NOS1AP: variants seen among roughly 807,000 people sequenced by gnomAD.
NOS1AP encodes nitric oxide synthase 1 adaptor protein, also known as carboxyl-terminal PDZ ligand of neuronal nitric oxide synthase protein.
In NOS1AP, 21 loss-of-function variants were observed where a neutral mutation model predicts 56.2. The ratio of observed to expected loss-of-function variants is 0.37; its 90% CI spans 0.26 to 0.54. The LOEUF (loss-of-function observed/expected upper bound fraction) is 0.54, where lower values mean the gene tolerates loss of function less well. NOS1AP is among the 20% of genes least tolerant of loss of function. The probability of loss-of-function intolerance (pLI) is 0.84; values close to 1 mark genes in which losing one functional copy is unlikely to be tolerated. For missense variants in NOS1AP, 522 were observed against 657.8 expected (o/e 0.79, Z 2.26); for synonymous variants, 270 against 274.6 (o/e 0.98, Z 0.17).
chr1:162,347,782 A>G (rs1391999438), intron 6 of NOS1AP, among the ~76,000 whole-genome samples: 1 of 152,136 alleles, frequency 6.6e-6, no homozygotes, highest in African/African-American at 2.4e-5. Flanking sequence ...CACTCCTCCC[A>G]TGTTCCCTGA....
At chr1:162,078,055 C>T (rs954015469) in intron 1 of NOS1AP, among the ~76,000 whole-genome samples, 5 of 152,172 alleles carry the variant, frequency 3.3e-5, no homozygotes, top group African/African-American at 1.2e-4. Flanking sequence ...TTGCAGTCAG[C>T]CAGCCCCTTG....
At chr1:162,090,897 A>G (rs1692113487) in intron 1 of NOS1AP, among the ~76,000 whole-genome samples, 1 of 152,002 alleles carries the variant, frequency 6.6e-6, no homozygotes, top group African/African-American at 2.4e-5. Context: ...TAAGGATGTT[A>G]TTTTGTTCCT....
intron 8 of NOS1AP, chr1:162,360,709 T>C (rs901318828): frequency 8.8e-5 from 38 of 429,634 alleles, no homozygotes; most frequent in African/African-American, 7.5e-4. Flanking sequence ...TTAGCATATG[T>C]CCCTGTGGCT....
intron 3 of NOS1AP, among the ~76,000 whole-genome samples, chr1:162,297,586 G>C (rs2819310): frequency 0.94 from 142,537 of 152,238 alleles, 67,431 homozygotes; most frequent in East Asian, 1. Context: ...TGGCTCTCAG[G>C]CCCAGGGTCA....
intron 2 of NOS1AP, among the ~76,000 whole-genome samples, chr1:162,205,248 A>G (rs1571125705): frequency 2.0e-5 from 3 of 152,252 alleles, no homozygotes; most frequent in African/African-American, 7.2e-5. Flanking sequence ...GAGCCTGAAT[A>G]CATATCACTC....
At chr1:162,284,992 T>A (rs1259895079) in intron 2 of NOS1AP, among the ~76,000 whole-genome samples, 1 of 152,182 alleles carries the variant, frequency 6.6e-6, no homozygotes, top group Non-Finnish European at 1.5e-5. Context: ...AATGATGTAG[T>A]GTTTTGCAGA....
chr1:162,185,844 G>T (rs1226409463), intron 2 of NOS1AP, among the ~76,000 whole-genome samples: 4 of 152,174 alleles, frequency 2.6e-5, no homozygotes, highest in Non-Finnish European at 5.9e-5. Context: ...AGAAAGAAAG[G>T]ATGTATGCAC....
chr1:162,289,463 A>AC (rs1655212476), intron 3 of NOS1AP, among the ~76,000 whole-genome samples: 2 of 84,636 alleles, frequency 2.4e-5, no homozygotes, highest in Non-Finnish European at 4.2e-5. Flanking sequence ...ACGCCCAGCT[A>AC]CTTTTCTTTT....
At chr1:162,155,464 G>T (rs1262907851) in intron 2 of NOS1AP, among the ~76,000 whole-genome samples, 1 of 150,594 alleles carries the variant, frequency 6.6e-6, no homozygotes, top group African/African-American at 2.4e-5. Flanking sequence ...TATAGAGAGA[G>T]AGAGAGAGGT....
At chr1:162,091,455 A>G (rs1692129037) in intron 1 of NOS1AP, among the ~76,000 whole-genome samples, 1 of 152,164 alleles carries the variant, frequency 6.6e-6, no homozygotes, top group South Asian at 2.1e-4. Flanking sequence ...AGTGTCATCC[A>G]TGAGTTTTTA....
At chr1:162,138,907 G>C (rs1238366664) in intron 1 of NOS1AP, among the ~76,000 whole-genome samples, 1 of 152,134 alleles carries the variant, frequency 6.6e-6, no homozygotes, top group African/African-American at 2.4e-5. Context: ...CTGGGATGTG[G>C]GACTTTCACT....
rs749324743 is a variant in NOS1AP, at chr1:162,367,225, A to C, written c.1279A>C (p.Lys427Gln). Reference sequence around the variant, plus strand: ...CTTAGGTAGGCGCGACTGCTTGGTGAAGCTGGAGTGCTTTCGCTTTCTTCC... The same window carrying C: ...CTTAGGTAGGCGCGACTGCTTGGTGCAGCTGGAGTGCTTTCGCTTTCTTCC... ...SPLGRRDCLV[K>Q]LECFRFLPPE... Residue 427 changes from lysine to glutamine, a missense_variant, in exon 10 of 10, where the codon AAG (lysine) becomes CAG (glutamine). Transcript: ENST00000361897. The surrounding 1 kb of genome is among the most constrained non-coding windows in gnomAD (Gnocchi z 6.5). 6.2e-7 allele frequency: 1 copy of C among 1,613,942 alleles called. No homozygotes were observed. The highest frequency in any genetic ancestry group is 8.5e-7 in the Non-Finnish European group (1 of 1,179,970).
At chr1:162,099,783 T>G (rs1692337513) in intron 1 of NOS1AP, among the ~76,000 whole-genome samples, 1 of 151,492 alleles carries the variant, frequency 6.6e-6, no homozygotes, top group African/African-American at 2.4e-5. Context: ...CCCTCCCCAC[T>G]CCCCCGACCC....
chr1:162,289,218 TTCCTTCCTTCCTTCC>T (rs1557864706), intron 3 of NOS1AP, among the ~76,000 whole-genome samples: 12 of 10,766 alleles, frequency 1.1e-3, no homozygotes, highest in African/African-American at 3.3e-3. Flanking sequence ...CTTTCCTTCC[TTCCTTCCTTCCTTCC>T]TTCCTTCCTT....
chr1:162,228,854 A>G (rs569660377), intron 2 of NOS1AP, among the ~76,000 whole-genome samples: 1 of 152,374 alleles, frequency 6.6e-6, no homozygotes, highest in East Asian at 1.9e-4. Flanking sequence ...ATGATGGTAA[A>G]ACAAGAGAAA....
intron 4 of NOS1AP, among the ~76,000 whole-genome samples, chr1:162,304,283 C>G (rs915753057): frequency 6.6e-6 from 1 of 152,110 alleles, no homozygotes. Context: ...TGTTCTTTCT[C>G]CACTATAGTG....
chr1:162,287,458 T>A lies in NOS1AP; in HGVS notation c.270+22T>A, dbSNP rs775125461. 18 of 1,531,728 alleles carry A rather than the reference T, an allele frequency of 1.2e-5. No homozygotes were observed. In the South Asian group the frequency reaches 2.0e-4, roughly 17 times the overall value. 94.9% of individuals were successfully genotyped at this position (1,531,728 alleles called of 1,614,324 possible). A position where few individuals can be genotyped will look rare whatever the true frequency, so the allele number is the denominator to read the frequency against. ...AAAGGTAAGTGGCTCTGAACCAGAA[T>A]CTGAGGTGAAGAGGAAAGCAGGGGA... On this transcript the variant is annotated intron_variant, in intron 3 of 9. Transcript: ENST00000361897.
At chr1:162,102,485 CCTT>C (rs1239907363) in intron 1 of NOS1AP, among the ~76,000 whole-genome samples, 1 of 152,174 alleles carries the variant, frequency 6.6e-6, no homozygotes, top group East Asian at 1.9e-4. Flanking sequence ...AGGAGTCCCT[CCTT>C]TTCAATTGTT....
At chr1:162,288,149 G>A (rs1178549696) in intron 3 of NOS1AP, among the ~76,000 whole-genome samples, 2 of 152,212 alleles carry the variant, frequency 1.3e-5, no homozygotes, top group Non-Finnish European at 2.9e-5. Flanking sequence ...ATGGTGGGAG[G>A]ATGGGAGGAT....
Sources: gnomAD v4.1 joint callset for allele counts (sites outside exome capture counted in the v4.1 genomes callset) on GRCh38, gnomAD v4.1.1 for gene constraint, Gnocchi (gnomAD v3.1) non-coding constraint, MANE v1.5 for transcripts, NCBI Gene and HGNC (gene_info 2026-07-23, HGNC 2026-07-21) for gene names.